Variants in GFRA1 observed in about 807,000 individuals in gnomAD.
The protein encoded by GFRA1 is GDNF family receptor alpha-1.
Under a neutral mutation model 51.6 loss-of-function variants are expected in GFRA1, and 16 were observed. That is an observed-to-expected ratio of 0.31 (90% CI 0.21 to 0.47). The LOEUF (loss-of-function observed/expected upper bound fraction) is 0.47, where lower values mean the gene tolerates loss of function less well. Ranked by LOEUF, GFRA1 falls within the 20% of genes least tolerant of loss-of-function variation. The pLI is 1.00. For synonymous variants in GFRA1, 270 were observed against 241.3 expected, an observed-to-expected ratio of 1.12 and a Z score of -1.10; for missense variants, 530 against 594.3, an observed-to-expected ratio of 0.89 and a Z score of 1.13.
chr10:116,166,892 C>T (rs1223630224), intron 5 of GFRA1, among the ~76,000 whole-genome samples: 5 of 141,256 alleles, frequency 3.5e-5, no homozygotes, highest in African/African-American at 7.8e-5. Context: ...CTCCGCCTCC[C>T]GGGTTCACGC....
chr10:116,068,825 C>T (rs1024316536), intron 9 of GFRA1, among the ~76,000 whole-genome samples: 4 of 149,754 alleles, frequency 2.7e-5, no homozygotes, highest in Admixed American at 1.3e-4. Flanking sequence ...AATTGCAGGG[C>T]GTCTCCCGCT....
chr10:116,171,100 A>G (rs1960978676), intron 5 of GFRA1, among the ~76,000 whole-genome samples: 1 of 152,358 alleles, frequency 6.6e-6, no homozygotes, highest in East Asian at 1.9e-4. Context: ...CACACAATGA[A>G]TCACAGGCTT....
rs1161051562 is a variant in GFRA1 at position 116,075,767 on chromosome 10, C to T, written c.1198-10141G>A. 7.9e-5 allele frequency among the ~76,000 whole-genome samples: 12 copies of T among 151,818 alleles called. 1 individual carries two copies. In the South Asian group the frequency reaches 1.3e-3, roughly 16 times the overall value. On this transcript the variant is annotated intron_variant, in intron 9 of 10. Transcript: ENST00000355422. ...AGATCTATTATCTTTTTTTTTGAGACGGAGTCTTGCTCTTTCACCCAGGCT... is the reference window on the plus strand; with the variant it reads ...AGATCTATTATCTTTTTTTTTGAGATGGAGTCTTGCTCTTTCACCCAGGCT...
intron 9 of GFRA1, among the ~76,000 whole-genome samples, chr10:116,070,124 A>G (rs1423390635): frequency 1.3e-5 from 2 of 152,198 alleles, no homozygotes; most frequent in African/African-American, 4.8e-5. Context: ...CAGACTGTCC[A>G]GTCTGCAGCC....
chr10:116,261,973 T>C (rs1969334448), intron 4 of GFRA1, among the ~76,000 whole-genome samples: 1 of 152,132 alleles, frequency 6.6e-6, no homozygotes, highest in African/African-American at 2.4e-5. Flanking sequence ...CCTGGATCCA[T>C]ACACTTTTAC....
In GFRA1 at chr10:116,062,740, CGATCATT is replaced by C. The variant is rs1414631873; in HGVS notation, c.*1651_*1657del. Reference sequence around the variant, plus strand: ...TTGGAGAAAAGTGGCCACCAGTACTCGATCATTGTAGATTCGGAATCTCGCCATCTAA... The same window carrying C: ...TTGGAGAAAAGTGGCCACCAGTACTCGTAGATTCGGAATCTCGCCATCTAA... On this transcript the variant is annotated 3_prime_UTR_variant, in exon 11 of 11. Transcript: ENST00000355422. 2 of 152,176 alleles carry C rather than the reference CGATCATT, an allele frequency of 1.3e-5. No individual in the cohort carries two copies. The highest frequency in any genetic ancestry group is 2.9e-5 in the Non-Finnish European group (2 of 68,040). 9.4% of individuals were successfully genotyped at this position (152,176 alleles called of 1,614,324 possible).
At chr10:116,271,212 AC>A in intron 2 of GFRA1, 97 bp from the exon 3 acceptor site, 1 of 1,057,500 alleles carries the variant, frequency 9.5e-7, no homozygotes, top group African/African-American at 1.6e-5. Flanking sequence ...GGGATGCTTG[AC>A]CAGCCTTCGG....
At chr10:116,072,474 C>G (rs933506872) in intron 9 of GFRA1, among the ~76,000 whole-genome samples, 2 of 152,074 alleles carry the variant, frequency 1.3e-5, no homozygotes, top group Non-Finnish European at 2.9e-5. Flanking sequence ...AAAAAGAGCA[C>G]AGGTTGGCCA....
intron 9 of GFRA1, among the ~76,000 whole-genome samples, chr10:116,077,055 AGAGACTTT>A (rs1955648203): frequency 6.6e-6 from 1 of 152,182 alleles, no homozygotes; most frequent in Non-Finnish European, 1.5e-5. Flanking sequence ...GGTATTCATA[AGAGACTTT>A]ATAAGAGTTA....
At position 116,272,164 on chromosome 10, in the gene GFRA1, A is replaced by C; in HGVS notation, c.-135T>G. 1.3e-6 allele frequency: 1 copy of C among 798,168 alleles called. No homozygotes were observed. Among genetic ancestry groups the C allele is most frequent in the South Asian group, 1.5e-5 (1 of 66,062 alleles). 49.4% of individuals were successfully genotyped at this position (798,168 alleles called of 1,614,324 possible). A position where few individuals can be genotyped will look rare whatever the true frequency, so the allele number is the denominator to read the frequency against. ...GGCCGCCCAAAGTTCAGCTCCATCC[A>C]GTGAAAGAGGAAACTCCGGGTCTGG... On this transcript the variant is annotated 5_prime_UTR_variant, in exon 2 of 11. Transcript: ENST00000355422. This position sits in a 1 kb window ranked among gnomAD's most constrained non-coding sequence, Gnocchi z 4.4.
intron 5 of GFRA1, among the ~76,000 whole-genome samples, chr10:116,139,523 T>C (rs1380561303): frequency 6.6e-6 from 1 of 152,208 alleles, no homozygotes; most frequent in Non-Finnish European, 1.5e-5. Context: ...CATTTAAGCA[T>C]GTGTGAGGCT....
intron 4 of GFRA1, among the ~76,000 whole-genome samples, chr10:116,263,573 T>G (rs1353100467): frequency 6.6e-6 from 1 of 152,066 alleles, no homozygotes; most frequent in African/African-American, 2.4e-5. Context: ...CTGCCCAGAG[T>G]GCTAGTAGAA....
intron 4 of GFRA1, among the ~76,000 whole-genome samples, chr10:116,237,791 A>G (rs1165393853): frequency 3.3e-5 from 5 of 152,144 alleles, no homozygotes; most frequent in Non-Finnish European, 7.4e-5. Context: ...TGGATAAAGG[A>G]CATCCTAGAA....
intron 4 of GFRA1, among the ~76,000 whole-genome samples, chr10:116,235,905 A>G (rs974444998): frequency 2.0e-5 from 3 of 152,112 alleles, no homozygotes; most frequent in Admixed American, 2.0e-4. Context: ...TTGCTGGCAC[A>G]CTGATCTTGG....
intron 5 of GFRA1, among the ~76,000 whole-genome samples, chr10:116,168,449 T>C (rs1776812285): frequency 6.6e-6 from 1 of 152,208 alleles, no homozygotes; most frequent in South Asian, 2.1e-4. Flanking sequence ...CCAGTTCCCA[T>C]GCTGGGTGGC....
intron 8 of GFRA1, among the ~76,000 whole-genome samples, chr10:116,092,935 G>A (rs1956414105): frequency 6.6e-6 from 1 of 152,184 alleles, no homozygotes; most frequent in Non-Finnish European, 1.5e-5. Flanking sequence ...ATATACGTGA[G>A]TCCTGGCACC....
intron 6 of GFRA1, among the ~76,000 whole-genome samples, chr10:116,104,794 C>A (rs1290798477): frequency 1.3e-5 from 2 of 152,138 alleles, no homozygotes; most frequent in Non-Finnish European, 2.9e-5. Flanking sequence ...CTCTACCTGG[C>A]AAATTTGAAA....
intron 5 of GFRA1, among the ~76,000 whole-genome samples, chr10:116,177,844 C>T (rs1961781691): frequency 6.6e-6 from 1 of 152,146 alleles, no homozygotes; most frequent in African/African-American, 2.4e-5. Context: ...AGCCAAGTGT[C>T]CCAGCACCTG....
At chr10:116,104,657 A>T (rs1475155183) in intron 6 of GFRA1, among the ~76,000 whole-genome samples, 1 of 152,202 alleles carries the variant, frequency 6.6e-6, no homozygotes, top group Admixed American at 6.5e-5. Flanking sequence ...AAACTGCAGT[A>T]GCCCCCCGAG....
Sources: allele counts gnomAD v4.1 joint callset (sites outside exome capture counted in the v4.1 genomes callset), GRCh38; gene constraint gnomAD v4.1.1; non-coding constraint Gnocchi (gnomAD v3.1); transcripts MANE v1.5; gene names NCBI Gene and HGNC (gene_info 2026-07-23, HGNC 2026-07-21).